The following WDPCP variants were observed in gnomAD, a reference collection of about 807,000 sequenced individuals.
The protein encoded by WDPCP is WD repeat-containing and planar cell polarity effector protein fritz homolog.
WDPCP carries 71 observed loss-of-function variants against 93.1 expected under a neutral mutation model. That is an observed-to-expected ratio of 0.76 (90% confidence interval 0.63 to 0.93). WDPCP has a LOEUF of 0.93. WDPCP is among the 40% of genes least tolerant of loss of function. The pLI, the probability that WDPCP is intolerant of heterozygous loss-of-function variation, is 0.00. For synonymous variants in WDPCP, 315 were observed against 315.0 expected, an observed-to-expected ratio of 1.00 and a Z score of 0.00; for missense variants, 844 against 887.4, an observed-to-expected ratio of 0.95 and a Z score of 0.62.
chr2:63,148,535 G>A (rs951458254), intron 17 of WDPCP, among the ~76,000 whole-genome samples: 1 of 151,688 alleles, frequency 6.6e-6, no homozygotes, highest in Non-Finnish European at 1.5e-5. Context: ...TTTTGTTTTA[G>A]TAGAGACAGG....
chr2:63,783,493 C>T (rs909100000), intron 2 of WDPCP, among the ~76,000 whole-genome samples: 7 of 151,914 alleles, frequency 4.6e-5, no homozygotes, highest in African/African-American at 7.3e-5. Context: ...CAGCTCTATT[C>T]GCAACAGCAA....
exon 3 of WDPCP, chr2:63,650,685 G>A (rs1710098792): frequency 6.6e-6 from 1 of 152,192 alleles, no homozygotes; most frequent in Non-Finnish European, 1.5e-5. Context: ...TGGGCAATCT[G>A]AAGTTTCCTG....
chr2:63,495,830 A>T (rs1701190884), intron 1 of WDPCP, among the ~76,000 whole-genome samples: 1 of 152,224 alleles, frequency 6.6e-6, no homozygotes, highest in South Asian at 2.1e-4. Context: ...CTGACCTTAT[A>T]TGGTAATCTC....
At chr2:63,648,002 G>T (rs1710071859) in intron 3 of WDPCP, among the ~76,000 whole-genome samples, 2 of 152,168 alleles carry the variant, frequency 1.3e-5, no homozygotes, top group African/African-American at 2.4e-5. Context: ...ACTGATGCAT[G>T]AATTCCTTCC....
intron 10 of WDPCP, among the ~76,000 whole-genome samples, chr2:63,399,813 GAAC>G (rs1277425697): frequency 2.0e-5 from 3 of 151,804 alleles, no homozygotes; most frequent in Non-Finnish European, 2.9e-5. Context: ...TTTTTTTCTT[GAAC>G]AATATTAACA....
At chr2:63,631,423 G>C (rs1709863557) in intron 3 of WDPCP, among the ~76,000 whole-genome samples, 1 of 151,604 alleles carries the variant, frequency 6.6e-6, no homozygotes, top group Admixed American at 6.6e-5. Context: ...AAAGAAGAGA[G>C]AAAAAAGCAA....
Position 63,349,686 on chromosome 2 carries a change from C to T in WDPCP, c.1748+28700G>A, listed in dbSNP as rs1325378328. ...TATATAAATCTGCATTAAAATGACA[C>T]ATTTGAAGTTGAAGCTGTTTGGCTT... On this transcript the variant is annotated intron_variant, in intron 12 of 17. Transcript: ENST00000272321. 2.6e-5 allele frequency among the ~76,000 whole-genome samples: 4 copies of T among 152,102 alleles called. No individual in the cohort carries two copies. In the East Asian group the frequency reaches 7.7e-4, roughly 29 times the overall value.
chr2:63,290,307 T>C (rs1391513847), intron 13 of WDPCP, among the ~76,000 whole-genome samples: 2 of 152,104 alleles, frequency 1.3e-5, no homozygotes, highest in Admixed American at 1.3e-4. Context: ...CTAGAATTCA[T>C]ACTGCACCAC....
At chr2:63,307,206 G>C (rs962376376) in intron 13 of WDPCP, among the ~76,000 whole-genome samples, 1 of 152,140 alleles carries the variant, frequency 6.6e-6, no homozygotes, top group South Asian at 2.1e-4. Flanking sequence ...TCTTCAAGGA[G>C]AACTACAAAC....
At chr2:63,575,485 A>ACGGTG (rs1157089103) in intron 1 of WDPCP, among the ~76,000 whole-genome samples, 1 of 52,084 alleles carries the variant, frequency 1.9e-5, no homozygotes, top group African/African-American at 7.8e-5. Context: ...TACAGTGTAT[A>ACGGTG]TATAGTATAT....
chr2:63,749,777 T>C (rs1450823401), intron 2 of WDPCP, among the ~76,000 whole-genome samples: 1 of 152,140 alleles, frequency 6.6e-6, no homozygotes, highest in Non-Finnish European at 1.5e-5. Flanking sequence ...TTAAGATTTC[T>C]TGAACACATA....
At chr2:63,611,441 C>CT (rs961304081) in intron 3 of WDPCP, among the ~76,000 whole-genome samples, 2 of 151,830 alleles carry the variant, frequency 1.3e-5, no homozygotes, top group Admixed American at 6.6e-5. Context: ...TAACCCCCCA[C>CT]TTTTTTTTAA....
At chr2:63,729,170 T>G (rs1388437985) in intron 2 of WDPCP, among the ~76,000 whole-genome samples, 5 of 152,202 alleles carry the variant, frequency 3.3e-5, no homozygotes, top group African/African-American at 1.2e-4. Context: ...GACTTGGAGA[T>G]AATATGATTC....
chr2:63,592,389 C>G (rs1172594276), upstream of WDPCP, among the ~76,000 whole-genome samples: 1 of 152,214 alleles, frequency 6.6e-6, no homozygotes, highest in African/African-American at 2.4e-5. Context: ...CTCACTCTGT[C>G]ACCAAGGCTG....
At chr2:63,353,030 G>C (rs986832075) in intron 12 of WDPCP, among the ~76,000 whole-genome samples, 1 of 152,044 alleles carries the variant, frequency 6.6e-6, no homozygotes, top group Non-Finnish European at 1.5e-5. Flanking sequence ...CCTGACCCAC[G>C]GAGAACAAAG....
intron 5 of WDPCP, 81 bp from the exon 6 acceptor site, chr2:63,484,744 CA>C: frequency 1.3e-6 from 2 of 1,574,486 alleles, no homozygotes; most frequent in Admixed American, 1.7e-5. Flanking sequence ...GATTTGCAAG[CA>C]AAAAAAGATC....
chr2:63,702,284 CCAAA>C (rs1407804284), intron 2 of WDPCP, among the ~76,000 whole-genome samples: 1 of 152,120 alleles, frequency 6.6e-6, no homozygotes, highest in African/African-American at 2.4e-5. Context: ...CTTCGGCCTC[CCAAA>C]GTGCTGGGAT....
intron 3 of WDPCP, among the ~76,000 whole-genome samples, chr2:63,638,001 G>T (rs1338595089): frequency 6.6e-6 from 1 of 152,146 alleles, no homozygotes; most frequent in Non-Finnish European, 1.5e-5. Flanking sequence ...TCATTGGATG[G>T]ATGAACATTG....
intron 6 of WDPCP, among the ~76,000 whole-genome samples, chr2:63,464,595 G>T (rs1461795611): frequency 2.6e-5 from 4 of 151,956 alleles, no homozygotes; most frequent in Non-Finnish European, 2.9e-5. Flanking sequence ...CATCTTCATA[G>T]ATGCACTATT....
Sources: gnomAD v4.1 joint callset for allele counts (sites outside exome capture counted in the v4.1 genomes callset) on GRCh38, gnomAD v4.1.1 for gene constraint, MANE v1.5 for transcripts, NCBI Gene and HGNC (gene_info 2026-07-23, HGNC 2026-07-21) for gene names.